STX6: variants seen among roughly 807,000 people sequenced by gnomAD.
STX6 encodes the protein syntaxin 6.
A neutral mutation model predicts 38.0 loss-of-function variants in STX6; 23 were observed. The ratio of observed to expected loss-of-function variants is 0.60; its 90% CI spans 0.43 to 0.86. The LOEUF is 0.86. STX6 is among the 40% of genes least tolerant of loss of function. STX6 has a pLI of 0.00. For synonymous variants in STX6, 123 were observed against 107.5 expected (o/e 1.14, Z -0.89); for missense variants, 274 against 312.9 (o/e 0.88, Z 0.94).
chr1:180,986,719 TG>T (rs1206271511), intron 6 of STX6, among the ~76,000 whole-genome samples: 2 of 152,178 alleles, frequency 1.3e-5, no homozygotes, highest in African/African-American at 4.8e-5. Context: ...AGCGGTTTCA[TG>T]CCCTTAAAAA....
Position 181,015,122 on chromosome 1 carries a change from A to G in STX6, c.35+7517T>C, listed in dbSNP as rs539981781. ...CTTCCTCTTCCTCCACTGGATCCCA[A>G]TGTTTCTCAGTACTCTTTGTGGCCT... On this transcript the variant is annotated intron_variant, in intron 1 of 7. Transcript: ENST00000258301. Among the ~76,000 whole-genome samples the G allele has an allele frequency of 7.2e-5, 11 of 152,162 alleles. No homozygotes were observed. The South Asian group carries it at 1.7e-3, about 23-fold the overall frequency.
intron 2 of STX6, among the ~76,000 whole-genome samples, chr1:181,003,372 T>C (rs1027367025): frequency 2.6e-5 from 4 of 152,216 alleles, no homozygotes; most frequent in African/African-American, 7.2e-5. Flanking sequence ...CATAGTATAC[T>C]CAATAAACAC....
At chr1:181,019,353 G>GA (rs35983547) in intron 1 of STX6, among the ~76,000 whole-genome samples, 14,744 of 104,656 alleles carry the variant, frequency 0.14, 834 homozygotes, top group Middle Eastern at 0.2. Flanking sequence ...AAATACAGAG[G>GA]AAAAAAAAAA....
At chr1:181,009,279 C>G (rs1468431793) in intron 1 of STX6, among the ~76,000 whole-genome samples, 1 of 151,896 alleles carries the variant, frequency 6.6e-6, no homozygotes, top group Non-Finnish European at 1.5e-5. Context: ...CCAGCCTGAC[C>G]AACATGGTAA....
At chr1:180,994,715 TA>T (rs781010997) in intron 3 of STX6, among the ~76,000 whole-genome samples, 2 of 152,144 alleles carry the variant, frequency 1.3e-5, no homozygotes, top group East Asian at 1.9e-4. Flanking sequence ...GATTAATGGG[TA>T]AAAAATACAG....
At chr1:180,988,117 C>G (rs929056040) in intron 6 of STX6, 122 bp downstream of exon 6, 4 of 644,352 alleles carry the variant, frequency 6.2e-6, no homozygotes, top group Admixed American at 5.5e-5. Context: ...AATAAAAATG[C>G]AGCTATGAAT....
intron 1 of STX6, among the ~76,000 whole-genome samples, chr1:181,014,515 G>A (rs938044666): frequency 1.3e-5 from 2 of 152,188 alleles, no homozygotes; most frequent in African/African-American, 4.8e-5. Flanking sequence ...CACCTACTCT[G>A]CAAGTCTTTA....
rs199807212 is a variant in STX6 at position 181,012,672 on chromosome 1, C to T, written c.36-7209G>A. Among the ~76,000 whole-genome samples, 129 of 118,898 alleles carry T rather than the reference C, an allele frequency of 1.1e-3. 5 individuals carry two copies. Among genetic ancestry groups the T allele is most frequent in the Non-Finnish European group, 1.1e-3 (64 of 57,158 alleles). The allele number at this position is 118,898 out of a possible 152,430, so 78.0% of individuals were successfully genotyped here. A position where few individuals can be genotyped will look rare whatever the true frequency, so the allele number is the denominator to read the frequency against. On this transcript the variant is annotated intron_variant, in intron 1 of 7. Coordinates refer to ENST00000258301, the MANE Select transcript of STX6 (RefSeq NM_005819.6). The stretch of plus-strand genomic sequence containing the variant: ...ATCTGAGCATTCAGATTCTTCCATT[C>T]TTTTTTTTTTTTTTTTTTTGAGATG...
chr1:180,992,014 A>C (rs1248614629), intron 4 of STX6, among the ~76,000 whole-genome samples: 1 of 151,028 alleles, frequency 6.6e-6, no homozygotes, highest in Non-Finnish European at 1.5e-5. Context: ...CTAGAGAATA[A>C]AACATTCAAA....
intron 7 of STX6, among the ~76,000 whole-genome samples, chr1:180,982,802 AG>A (rs1391016114): frequency 6.6e-6 from 1 of 152,222 alleles, no homozygotes; most frequent in Non-Finnish European, 1.5e-5. Flanking sequence ...GAGAGAACAG[AG>A]GGAATCAGAA....
At chr1:181,015,754 G>A (rs1485629505) in intron 1 of STX6, among the ~76,000 whole-genome samples, 1 of 151,878 alleles carries the variant, frequency 6.6e-6, no homozygotes, top group Non-Finnish European at 1.5e-5. Flanking sequence ...TGCAAAAGAG[G>A]GTTCAAGCAA....
chr1:180,995,123 C>A (rs1655868058), intron 3 of STX6, among the ~76,000 whole-genome samples: 1 of 152,060 alleles, frequency 6.6e-6, no homozygotes, highest in African/African-American at 2.4e-5. Context: ...CCACCACACC[C>A]AGCTCATTTT....
chr1:180,977,429 C>T (rs555341217), intron 7 of STX6, among the ~76,000 whole-genome samples: 21 of 152,286 alleles, frequency 1.4e-4, no homozygotes, highest in African/African-American at 4.6e-4. Context: ...CAACAGCTGC[C>T]CCGCAGGGCT....
At chr1:180,979,892 A>T (rs1655352701) in intron 7 of STX6, among the ~76,000 whole-genome samples, 2 of 152,142 alleles carry the variant, frequency 1.3e-5, no homozygotes, top group South Asian at 4.1e-4. Flanking sequence ...TGGGCAAAAG[A>T]CCTGAACAGA....
intron 6 of STX6, 38 bp from the exon 7 acceptor site, chr1:180,984,809 C>A: frequency 9.6e-7 from 1 of 1,038,122 alleles, no homozygotes; most frequent in Non-Finnish European, 1.5e-6. Context: ...CTGGTAAGCA[C>A]AAAGCCTTGG....
At chr1:180,986,207 A>C (rs905245136) in intron 6 of STX6, among the ~76,000 whole-genome samples, 1 of 152,234 alleles carries the variant, frequency 6.6e-6, no homozygotes, top group African/African-American at 2.4e-5. Context: ...CTATCTCAGT[A>C]CCATCCAACA....
intron 1 of STX6, among the ~76,000 whole-genome samples, chr1:181,018,388 CAAAA>C (rs34962747): frequency 3.0e-4 from 13 of 43,048 alleles, no homozygotes; most frequent in African/African-American, 8.9e-4. Flanking sequence ...GACTCTGTCC[CAAAA>C]AAAAAAAAAA....
chr1:180,997,920 G>A (rs1396213899), intron 3 of STX6, among the ~76,000 whole-genome samples: 3 of 152,176 alleles, frequency 2.0e-5, no homozygotes, highest in Non-Finnish European at 4.4e-5. Flanking sequence ...GGAGAACGAA[G>A]AGGCATTTTC....
intron 1 of STX6, among the ~76,000 whole-genome samples, chr1:181,022,417 C>T (rs1240165678): frequency 6.6e-6 from 1 of 152,194 alleles, no homozygotes; most frequent in Non-Finnish European, 1.5e-5. Flanking sequence ...GGGCCCCCCA[C>T]CACCAGGGGC....
Sources: gnomAD v4.1 joint callset for allele counts (sites outside exome capture counted in the v4.1 genomes callset) on GRCh38, gnomAD v4.1.1 for gene constraint, MANE v1.5 for transcripts, NCBI Gene and HGNC (gene_info 2026-07-23, HGNC 2026-07-21) for gene names.